PISD: variants seen among roughly 807,000 people sequenced by gnomAD.
PISD encodes the protein phosphatidylserine decarboxylase, also known as phosphatidylserine decarboxylase proenzyme, mitochondrial.
A neutral mutation model predicts 43.5 loss-of-function variants in PISD; 31 were observed. That is an observed-to-expected ratio of 0.71 (90% CI 0.54 to 0.96). PISD has a LOEUF of 0.96. Ranked by LOEUF, PISD falls within the 40% of genes least tolerant of loss-of-function variation. The probability of loss-of-function intolerance (pLI) is 0.00; values close to 1 mark genes in which losing one functional copy is unlikely to be tolerated. For synonymous variants in PISD, 259 were observed against 228.7 expected (o/e 1.13, Z -1.20); for missense variants, 523 against 548.4 (o/e 0.95, Z 0.46).
At chr22:31,656,982 T>G (rs1001921553) in intron 1 of PISD, among the ~76,000 whole-genome samples, 4 of 152,212 alleles carry the variant, frequency 2.6e-5, no homozygotes, top group Non-Finnish European at 5.9e-5. Flanking sequence ...AAAAAAATTT[T>G]TCTGGGTATG....
chr22:31,628,208 G>C, intron 3 of PISD: 1 of 985,352 alleles, frequency 1.0e-6, no homozygotes, highest in Non-Finnish European at 1.2e-6. Context: ...GTCCCTCTCA[G>C]AGCTGCAGGA....
chr22:31,625,835 G>A (rs538333984), intron 3 of PISD: 47 of 1,592,198 alleles, frequency 3.0e-5, no homozygotes, highest in South Asian at 3.4e-5. Flanking sequence ...CAGGGAGGGC[G>A]GGGCGAGGCT....
Position 31,662,165 on chromosome 22 carries a change from C to A in PISD, c.44G>T (p.Gly15Val), listed in dbSNP as rs1380922653. 7 of 1,606,928 alleles carry A rather than the reference C, an allele frequency of 4.4e-6. No homozygotes were observed. The Admixed American group carries it at 1.0e-4, about 23-fold the overall frequency. ...ATACCTGCTCCGCCACGGCGCGACC[C>A]CGTGCAGTAATCCCAGACATCGGTG... Reference protein sequence around the residue: ...VGHRCLGLLHGVAPWRSSLHP... With the variant: ...VGHRCLGLLHVVAPWRSSLHP... The change falls in exon 1 of 8, where the codon GGG becomes GTG. Residue 15 changes from glycine to valine, a missense_variant. Transcript: ENST00000439502.
Position 31,621,892 on chromosome 22 carries a change from G to T in PISD, c.322-7C>A. 1 of 1,600,976 alleles carries T rather than the reference G, an allele frequency of 6.2e-7. No individual in the cohort carries two copies. Among genetic ancestry groups the T allele is most frequent in the Non-Finnish European group, 8.5e-7 (1 of 1,176,040 alleles). On this transcript the variant is annotated splice_polypyrimidine_tract_variant and splice_region_variant and intron_variant, in intron 3 of 7. Coordinates refer to ENST00000439502, the MANE Select transcript of PISD (RefSeq NM_001326411.2). ...CTGACTTGTACAAAGCCACCTGCAG[G>T]CCACAGGGCAAGGGGCTGAGTTGAC...
chr22:31,634,488 T>C (rs1266395825), intron 3 of PISD, among the ~76,000 whole-genome samples: 1 of 152,108 alleles, frequency 6.6e-6, no homozygotes, highest in African/African-American at 2.4e-5. Flanking sequence ...CACCAGCAGC[T>C]CCCCAAGGGC....
In PISD at chr22:31,620,638, A is replaced by AGGACC. The variant is rs1464671151; in HGVS notation, c.915_919dup (p.Leu307ArgfsTer3). ...GAAGCCATGTTTCCAGTCCCCCGTC[A>AGGACC]GGACCACCCGCTCGTTATGGCAGAA... On this transcript the variant is annotated frameshift_variant, in exon 7 of 8. Transcript: ENST00000439502. LOFTEE classifies it high-confidence loss of function. 2 of 1,614,238 alleles carry AGGACC rather than the reference A, an allele frequency of 1.2e-6. No individual in the cohort carries two copies. The highest frequency in any genetic ancestry group is 3.3e-5 in the Admixed American group (2 of 60,022).
chr22:31,653,769 G>A (rs2074096996), intron 1 of PISD, among the ~76,000 whole-genome samples: 1 of 152,174 alleles, frequency 6.6e-6, no homozygotes. Context: ...GATCACTTGA[G>A]GTCAGGAGTT....
intron 5 of PISD, 57 bp downstream of exon 5, chr22:31,621,277 T>C: frequency 6.2e-7 from 1 of 1,611,382 alleles, no homozygotes; most frequent in Admixed American, 1.7e-5. Flanking sequence ...TTCCCCTCCC[T>C]CCCGGTCCAG....
intron 6 of PISD, 57 bp downstream of exon 6, chr22:31,620,937 TGA>T (rs2072522992): frequency 4.5e-6 from 7 of 1,542,308 alleles, no homozygotes; most frequent in Non-Finnish European, 6.1e-6. Flanking sequence ...ACCAAGAAGC[TGA>T]GAGCCTCTAT....
At chr22:31,620,268 A>C (rs1185515566) in intron 7 of PISD, among the ~76,000 whole-genome samples, 2 of 152,116 alleles carry the variant, frequency 1.3e-5, no homozygotes, top group Non-Finnish European at 2.9e-5. Context: ...CCTCACTCTC[A>C]CCTTTGACCA....
intron 3 of PISD, chr22:31,626,423 G>A (rs1020222642): frequency 5.2e-5 from 8 of 152,602 alleles, no homozygotes; most frequent in African/African-American, 7.2e-5. Flanking sequence ...AGGTTACAAA[G>A]TAGCATCTGA....
chr22:31,625,681 G>A (rs745599111), intron 3 of PISD: 428 of 1,521,088 alleles, frequency 2.8e-4, no homozygotes, highest in Non-Finnish European at 3.5e-4. Flanking sequence ...CCTCTACTGC[G>A]AGGCCGCTGG....
chr22:31,625,101 G>A (rs958896854), intron 3 of PISD, among the ~76,000 whole-genome samples: 1 of 152,208 alleles, frequency 6.6e-6, no homozygotes, highest in African/African-American at 2.4e-5. Flanking sequence ...AAGAGAAGCT[G>A]AGTCCTCTCT....
intron 1 of PISD, among the ~76,000 whole-genome samples, chr22:31,652,668 G>C (rs1206368683): frequency 6.9e-6 from 1 of 145,340 alleles, no homozygotes; most frequent in Non-Finnish European, 1.5e-5. Context: ...TTAGCCGGGC[G>C]CGGTGGCACA....
chr22:31,639,322 C>T (rs1472381200), intron 3 of PISD, among the ~76,000 whole-genome samples: 1 of 152,150 alleles, frequency 6.6e-6, no homozygotes, highest in Non-Finnish European at 1.5e-5. Context: ...CAGGCGCCCG[C>T]CACCACACCC....
chr22:31,651,079 T>G (rs1389112198), intron 1 of PISD, among the ~76,000 whole-genome samples: 1 of 152,164 alleles, frequency 6.6e-6, no homozygotes, highest in Non-Finnish European at 1.5e-5. Context: ...TTCTTCTGCC[T>G]CAGCCTCCCT....
At chr22:31,645,847 A>AC (rs2073870408) in intron 3 of PISD, among the ~76,000 whole-genome samples, 1 of 145,024 alleles carries the variant, frequency 6.9e-6, no homozygotes, top group Admixed American at 6.9e-5. Context: ...ACAGAGTGAG[A>AC]CTCCATCTAA....
rs755019199 is a variant in PISD at position 31,650,822 on chromosome 22, T to C, written c.66-44A>G. The C allele has an allele frequency of 3.2e-6, 4 of 1,242,304 alleles. No individual in the cohort carries two copies. In the South Asian group the frequency reaches 4.1e-5, roughly 13 times the overall value. 77.0% of individuals were successfully genotyped at this position (1,242,304 alleles called of 1,614,324 possible). A position where few individuals can be genotyped will look rare whatever the true frequency, so the allele number is the denominator to read the frequency against. On this transcript the variant is annotated intron_variant, in intron 1 of 7. Transcript: ENST00000439502. ...GAACCATTAAATATTATTCTTAAAA[T>C]TAAAATTACTGGATTAATCGGCAAA...
Position 31,619,821 on chromosome 22 carries a change from T to C in PISD, c.1021A>G (p.Ser341Gly), listed in dbSNP as rs972548010. ...IYFDRDLHTN[S>G]PRHSKGSYND... ...TAGGAGCCCTTGCTGTGCCTTGGGC[T>C]GTTTGTGTGCAGGTCCTGTGGTGAT... The change falls in exon 8 of 8, where the codon AGC becomes GGC. Residue 341 changes from serine to glycine, a missense_variant. Physicochemically the swap from Ser to Gly is moderately conservative, Grantham distance 56. Coordinates refer to ENST00000439502, the MANE Select transcript of PISD (RefSeq NM_001326411.2). 6.2e-7 allele frequency: 1 copy of C among 1,613,504 alleles called. No homozygotes were observed. The highest frequency in any genetic ancestry group is 8.5e-7 in the Non-Finnish European group (1 of 1,179,604).
Sources: allele counts gnomAD v4.1 joint callset (sites outside exome capture counted in the v4.1 genomes callset), GRCh38; gene constraint gnomAD v4.1.1; transcripts MANE v1.5; gene names NCBI Gene and HGNC (gene_info 2026-07-23, HGNC 2026-07-21).